GSTM4: variants seen among roughly 807,000 people sequenced by gnomAD.
GSTM4 encodes the protein glutathione S-transferase mu 4.
GSTM4 carries 27 observed loss-of-function variants against 30.1 expected under a neutral mutation model. The observed-to-expected ratio is 0.90, with a 90% CI of 0.66 to 1.24. GSTM4 has a LOEUF of 1.24. Among genes scored for constraint, GSTM4 ranks in the 50% most tolerant of loss-of-function variants. The pLI is 0.00. For missense variants in GSTM4, 238 were observed against 272.1 expected (o/e 0.87, Z 0.88); for synonymous variants, 94 against 96.2 (o/e 0.98, Z 0.13).
At position 109,657,666 on chromosome 1, in the gene GSTM4, A is replaced by G. The variant is rs1469409829; in HGVS notation, c.254A>G (p.Asn85Ser). The G allele has an allele frequency of 4.3e-6, 7 of 1,614,248 alleles. No individual in the cohort carries two copies. Among genetic ancestry groups the G allele is most frequent in the South Asian group, 2.2e-5 (2 of 91,086 alleles). ...AILCYIARKH[N>S]LCGETEEEKI... ...CTGTGCTACATTGCCCGCAAGCACAACCTGTGTGAGTGTGGTTGGCTGCAG... is the reference window on the plus strand; with the variant it reads ...CTGTGCTACATTGCCCGCAAGCACAGCCTGTGTGAGTGTGGTTGGCTGCAG... The change falls in exon 4 of 8, where the codon AAC becomes AGC. Residue 85 changes from asparagine to serine, a missense_variant. Asn to Ser is a conservative substitution (Grantham distance 46). Transcript: ENST00000369836.
Position 109,656,248 on chromosome 1 carries a change from C to T in GSTM4, c.-142C>T. The stretch of plus-strand genomic sequence containing the variant: ...TTGAAGATCGGCCGGTTGGAAGTGA[C>T]GACCTTGAAGATCGGCGGGCGCAGC... On this transcript the variant is annotated 5_prime_UTR_variant, in exon 1 of 8. It adds an upstream start codon to the 5' untranslated region. Coordinates refer to ENST00000369836, the MANE Select transcript of GSTM4 (RefSeq NM_000850.5). 1.2e-6 allele frequency: 1 copy of T among 823,064 alleles called. No individual in the cohort carries two copies. The highest frequency in any genetic ancestry group is 2.1e-6 in the Non-Finnish European group (1 of 470,430). 51.0% of individuals were successfully genotyped at this position (823,064 alleles called of 1,614,324 possible). A position where few individuals can be genotyped will look rare whatever the true frequency, so the allele number is the denominator to read the frequency against.
chr1:109,664,341 C>CTTTTTTTT (rs77855995), downstream of GSTM4, among the ~76,000 whole-genome samples: 511 of 35,738 alleles, frequency 0.014, 167 homozygotes, highest in East Asian at 0.083. Context: ...GAGAGAATAG[C>CTTTTTTTT]TTTTTTTTTT....
chr1:109,660,924 C>A, intron 7 of GSTM4: 1 of 559,736 alleles, frequency 1.8e-6, no homozygotes, highest in Non-Finnish European at 3.3e-6. Context: ...ACAGAGCACC[C>A]AGCACCGGGT....
chr1:109,657,746 G>T lies in GSTM4; in HGVS notation c.260-26G>T, dbSNP rs367767519. 42 of 1,613,972 alleles carry T rather than the reference G, an allele frequency of 2.6e-5. 1 individual carries two copies. The highest frequency in any genetic ancestry group is 1.2e-4 in the South Asian group (11 of 91,084). On this transcript the variant is annotated intron_variant, in intron 4 of 7. Coordinates refer to ENST00000369836, the MANE Select transcript of GSTM4 (RefSeq NM_000850.5). The stretch of plus-strand genomic sequence containing the variant: ...GCTGGATTGGGGTGCTATGCTCAGA[G>T]TGAGTCTGTGTTTTGTGGGTGGCAG...
intron 5 of GSTM4, chr1:109,658,590 C>G: frequency 1.8e-6 from 1 of 565,690 alleles, no homozygotes; most frequent in Non-Finnish European, 3.2e-6. Flanking sequence ...GGGACAGATT[C>G]AGGGATAGTG....
chr1:109,664,964 C>A (rs772664856), downstream of GSTM4: 2 of 1,608,120 alleles, frequency 1.2e-6, no homozygotes, highest in Admixed American at 3.3e-5. Context: ...GCAGTCAAGA[C>A]CTTCTCTCTA....
chr1:109,656,613 G>T (rs1338569955), intron 1 of GSTM4, 99 bp from the exon 2 acceptor site: 2 of 649,164 alleles, frequency 3.1e-6, no homozygotes, highest in Admixed American at 2.1e-5. Context: ...TGGGGGGGGG[G>T]TGCAGTGCAG....
chr1:109,658,941 A>G (rs1652165647), intron 6 of GSTM4, 32 bp downstream of exon 6: 4 of 1,612,138 alleles, frequency 2.5e-6, no homozygotes, highest in Non-Finnish European at 3.4e-6. Context: ...GACACTAGAG[A>G]TTTGCCATAC....
In GSTM4 at chr1:109,656,387, A is replaced by G. The variant is rs771786439; in HGVS notation, c.-3A>G. 2 of 1,613,104 alleles carry G rather than the reference A, an allele frequency of 1.2e-6. No individual in the cohort carries two copies. Among genetic ancestry groups the G allele is most frequent in the Non-Finnish European group, 1.7e-6 (2 of 1,179,328 alleles). On this transcript the variant is annotated 5_prime_UTR_variant, in exon 1 of 8. Transcript: ENST00000369836. ...GTCTGCAGAATCGACACCAACCAGC[A>G]TCATGTCCATGACACTGGGGTACTG... is the stretch of plus-strand genomic sequence containing the variant.
downstream of GSTM4, among the ~76,000 whole-genome samples, chr1:109,666,865 A>T (rs1279766835): frequency 2.0e-5 from 3 of 152,150 alleles, no homozygotes; most frequent in African/African-American, 7.2e-5. Flanking sequence ...AGCTGGGATT[A>T]CAGGCACCCG....
At chr1:109,658,746 C>G in intron 5 of GSTM4, 68 bp from the exon 6 acceptor site, 1 of 1,153,382 alleles carries the variant, frequency 8.7e-7, no homozygotes, top group Non-Finnish European at 1.3e-6. Context: ...CCATACACAG[C>G]CCTGGGGAGG....
In GSTM4 at chr1:109,656,972, GC is replaced by G. The variant is rs1272981371; in HGVS notation, c.112+190del. The stretch of plus-strand genomic sequence containing the variant: ...GCAGAATGCTGGGGCGGGATGCTGG[GC>G]CCCCTGTTTAATTGGGTTGGGTGTC... On this transcript the variant is annotated intron_variant, in intron 2 of 7. Transcript: ENST00000369836. The G allele has an allele frequency of 6.3e-6, 5 of 799,682 alleles. No homozygotes were observed. The Admixed American group carries it at 8.0e-5, about 13-fold the overall frequency. The allele number at this position is 799,682 out of a possible 1,614,324, so 49.5% of individuals were successfully genotyped here. A position where few individuals can be genotyped will look rare whatever the true frequency, so the allele number is the denominator to read the frequency against.
Position 109,661,595 on chromosome 1 carries a change from G to A in GSTM4, c.*341G>A. The A allele has an allele frequency of 8.0e-7, 1 of 1,252,260 alleles. No homozygotes were observed. The highest frequency in any genetic ancestry group is 1.0e-6 in the Non-Finnish European group (1 of 987,456). 77.6% of individuals were successfully genotyped at this position (1,252,260 alleles called of 1,614,324 possible). ...CCCCTCGCCTGTGGAGCTCAGCCCT[G>A]AGCTGTCCCCGTGTTGCATGACAGC... On this transcript the variant is annotated 3_prime_UTR_variant, in exon 8 of 8. Transcript: ENST00000369836.
At position 109,657,860 on chromosome 1, in the gene GSTM4, C is replaced by G. The variant is rs757180697; in HGVS notation, c.348C>G (p.Tyr116Ter). The G allele has an allele frequency of 6.2e-7, 1 of 1,614,086 alleles. No homozygotes were observed. The highest frequency in any genetic ancestry group is 8.5e-7 in the Non-Finnish European group (1 of 1,179,916). ...CCAATCAGCTGGCCAGAGTCTGCTACAGCCCTGACTTTGTGAGTCCCTCCC... is the reference window on the plus strand; with the variant it reads ...CCAATCAGCTGGCCAGAGTCTGCTAGAGCCCTGACTTTGTGAGTCCCTCCC... ...DVSNQLARVC[Y>*]SPDFEKLKPE... The change falls in exon 5 of 8, where the codon TAC (tyrosine) becomes TAG (stop). Residue 116 changes from tyrosine (Y) to a stop codon, truncating the protein, a stop_gained. Transcript: ENST00000369836. LOFTEE classifies it high-confidence loss of function.
Position 109,656,417 on chromosome 1 carries a change from A to G in GSTM4, c.28A>G (p.Ile10Val), listed in dbSNP as rs767984122. The G allele has an allele frequency of 6.2e-7, 1 of 1,612,940 alleles. No homozygotes were observed. The highest frequency in any genetic ancestry group is 8.5e-7 in the Non-Finnish European group (1 of 1,179,220). The change falls in exon 1 of 8, where the codon ATC (isoleucine) becomes GTC (valine). Residue 10 changes from isoleucine to valine, a missense_variant. Coordinates refer to ENST00000369836, the MANE Select transcript of GSTM4 (RefSeq NM_000850.5). ...GTCCATGACACTGGGGTACTGGGAC[A>G]TCCGCGGGGTGAGTGAGGGTCCGCT... MSMTLGYWDIRGLAHAIRLL... is the reference protein window; with the variant it reads MSMTLGYWDVRGLAHAIRLL...
intron 4 of GSTM4, 28 bp downstream of exon 4, chr1:109,657,699 G>C (rs770378754): frequency 6.2e-7 from 1 of 1,614,230 alleles, no homozygotes; most frequent in Admixed American, 1.7e-5. Context: ...CAGTGTGTGG[G>C]GGGAAGGTGG....
chr1:109,658,820 C>G lies in GSTM4; in HGVS notation c.367C>G (p.Leu123Val). ...CAGCTGTTTTCTGCCTCAGGAGAAACTGAAGCCAGAATACTTGGAGGAACT... is the reference window on the plus strand; with the variant it reads ...CAGCTGTTTTCTGCCTCAGGAGAAAGTGAAGCCAGAATACTTGGAGGAACT... Reference protein sequence around the residue: ...RVCYSPDFEKLKPEYLEELPT... With the variant: ...RVCYSPDFEKVKPEYLEELPT... The change falls in exon 6 of 8, where the codon CTG becomes GTG. Residue 123 changes from leucine to valine, a missense_variant. Transcript: ENST00000369836. 6.2e-7 allele frequency: 1 copy of G among 1,612,526 alleles called. No individual in the cohort carries two copies. The highest frequency in any genetic ancestry group is 8.5e-7 in the Non-Finnish European group (1 of 1,178,500).
At chr1:109,665,887 AGG>A (rs1473365031), downstream of GSTM4, among the ~76,000 whole-genome samples, 1 of 152,098 alleles carries the variant, frequency 6.6e-6, no homozygotes, top group Non-Finnish European at 1.5e-5. Flanking sequence ...GAACAGTGGA[AGG>A]GGGCTGCCTC....
At chr1:109,665,273 C>G (rs1156355717), downstream of GSTM4, 5 of 587,756 alleles carry the variant, frequency 8.5e-6, no homozygotes, top group East Asian at 1.4e-4. Flanking sequence ...CCTGGGACCT[C>G]CACACTCCTG....
Sources: allele counts gnomAD v4.1 joint callset (sites outside exome capture counted in the v4.1 genomes callset), GRCh38; gene constraint gnomAD v4.1.1; transcripts MANE v1.5; gene names NCBI Gene and HGNC (gene_info 2026-07-23, HGNC 2026-07-21).